Variants in KNDC1 observed in about 807,000 individuals in gnomAD.
KNDC1 encodes kinase non-catalytic C-lobe domain-containing protein 1.
A neutral mutation model predicts 172.8 loss-of-function variants in KNDC1; 106 were observed. That is an observed-to-expected ratio of 0.61 (90% CI 0.52 to 0.72). KNDC1 has a LOEUF of 0.72. Among genes scored for constraint, KNDC1 ranks in the 30% least tolerant of loss-of-function variants. The pLI is 0.00. For synonymous variants in KNDC1, 1,083 were observed against 1,062.2 expected (o/e 1.02, Z -0.38); for missense variants, 2,325 against 2,394.5 (o/e 0.97, Z 0.61).
At position 133,169,546 on chromosome 10, in the gene KNDC1, C is replaced by G. The variant is rs1853303452; in HGVS notation, c.360+1234C>G. ...ACAAGTGAGGCTGGAGCCCTTCACC[C>G]TGGGAGGTGGGCAGGGTGCCCCAGG... is the stretch of plus-strand genomic sequence containing the variant. On this transcript the variant is annotated intron_variant, in intron 3 of 29. Transcript: ENST00000304613. Among the ~76,000 whole-genome samples, 2 of 152,258 alleles carry G rather than the reference C, an allele frequency of 1.3e-5. 1 individual carries two copies. Among genetic ancestry groups the G allele is most frequent in the South Asian group, 4.1e-4 (2 of 4,834 alleles).
chr10:133,185,158 CGCAGTGTGGAGTAGGCAGTGTGT>C (rs1459262438), intron 5 of KNDC1, among the ~76,000 whole-genome samples: 13,538 of 137,852 alleles, frequency 0.098, 3,230 homozygotes, highest in South Asian at 0.2. Context: ...GCGGGAGGGG[CGCAGTGTGGAGTAGGCAGTGTGT>C]GCAGTGTGGA....
In KNDC1 at chr10:133,185,696, A is replaced by AAGCCCCAGT. The variant is rs1340883954; in HGVS notation, c.626-278_626-277insAGCCCCAGT. On this transcript the variant is annotated intron_variant, in intron 5 of 29. Transcript: ENST00000304613. ...TCCAGGCTCCCATAGGAAGCCCCAG[A>AAGCCCCAGT]GGGAAGCCCCGCCTGGCCTGGGGGA... 1.1e-3 allele frequency among the ~76,000 whole-genome samples: 169 copies of AAGCCCCAGT among 150,172 alleles called. 1 individual carries two copies. The highest frequency in any genetic ancestry group is 2.0e-3 in the Non-Finnish European group (135 of 67,548).
chr10:133,196,694 T>G (rs2998141), intron 10 of KNDC1, among the ~76,000 whole-genome samples: 1 of 152,006 alleles, frequency 6.6e-6, no homozygotes, highest in African/African-American at 2.4e-5. Flanking sequence ...TCAGTTCCCA[T>G]GTGCACAAGG....
chr10:133,216,881 G>A (rs911629126), intron 26 of KNDC1, among the ~76,000 whole-genome samples: 4 of 152,258 alleles, frequency 2.6e-5, no homozygotes, highest in African/African-American at 9.6e-5. Context: ...GCCTGCGGCA[G>A]CACGATGAAC....
At chr10:133,203,020 C>T (rs111393003) in intron 17 of KNDC1, among the ~76,000 whole-genome samples, 4 of 143,512 alleles carry the variant, frequency 2.8e-5, no homozygotes, top group South Asian at 2.2e-4. Flanking sequence ...GGGAGCACTC[C>T]GCCCCCAAAC....
In KNDC1 at chr10:133,209,350, T is replaced by C. The variant is rs1042305256; in HGVS notation, c.3795-1261T>C. ...CGTGTGTGCTGTGCGGTGTGGGGTA[T>C]AGTGTGTGCACATGTGGTGTGAGGT... On this transcript the variant is annotated intron_variant, in intron 20 of 29. Coordinates refer to ENST00000304613, the MANE Select transcript of KNDC1 (RefSeq NM_152643.8). This position sits in a 1 kb window ranked among gnomAD's most constrained non-coding sequence, Gnocchi z 4.9. Among the ~76,000 whole-genome samples the C allele has an allele frequency of 1.5e-4, 23 of 150,758 alleles. No homozygotes were observed. The highest frequency in any genetic ancestry group is 5.6e-4 in the African/African-American group (23 of 40,816).
At position 133,224,995 on chromosome 10, in the gene KNDC1, C is replaced by T. The variant is rs1845692731; in HGVS notation, c.*105C>T. 7 of 889,276 alleles carry T rather than the reference C, an allele frequency of 7.9e-6. No individual in the cohort carries two copies. The highest frequency in any genetic ancestry group is 3.2e-5 in the South Asian group (2 of 62,580). 55.1% of individuals were successfully genotyped at this position (889,276 alleles called of 1,614,324 possible). Reference sequence around the variant, plus strand: ...GGCCCGGCCGTTATCAAGGCCCCTCCGCCCCCGAACCCTGGGGAGCTGGAC... The same window carrying T: ...GGCCCGGCCGTTATCAAGGCCCCTCTGCCCCCGAACCCTGGGGAGCTGGAC... On this transcript the variant is annotated 3_prime_UTR_variant, in exon 30 of 30. Coordinates refer to ENST00000304613, the MANE Select transcript of KNDC1 (RefSeq NM_152643.8). The surrounding 1 kb of genome is among the most constrained non-coding windows in gnomAD (Gnocchi z 5.4).
At position 133,210,634 on chromosome 10, in the gene KNDC1, TGCA is replaced by T. The variant is rs771698662; in HGVS notation, c.3822_3824del (p.Gln1275del). On this transcript the variant is annotated inframe_deletion, in exon 21 of 30. Transcript: ENST00000304613. Reference sequence around the variant, plus strand: ...AGTGATGCCTTCCTGGAGGGTTATGTGCAGCAATTCCTCTACACCTTCCGCTAC... The same window carrying T: ...AGTGATGCCTTCCTGGAGGGTTATGTGCAATTCCTCTACACCTTCCGCTAC... The T allele has an allele frequency of 6.2e-7, 1 of 1,613,618 alleles. No homozygotes were observed. The highest frequency in any genetic ancestry group is 2.2e-5 in the East Asian group (1 of 44,870).
At chr10:133,198,302 CGCCCGCCCA>C in intron 12 of KNDC1, 26 bp from the exon 13 acceptor site, 1 of 1,516,960 alleles carries the variant, frequency 6.6e-7, no homozygotes, top group Non-Finnish European at 8.8e-7. Flanking sequence ...GGGGCCACTC[CGCCCGCCCA>C]CACCCTCAGC....
chr10:133,221,415 G>A lies in KNDC1; in HGVS notation c.5018+1303G>A, dbSNP rs900419981. Among the ~76,000 whole-genome samples, 271 of 152,028 alleles carry A rather than the reference G, an allele frequency of 1.8e-3. 2 individuals are homozygous for A. The highest frequency in any genetic ancestry group is 5.7e-3 in the African/African-American group (237 of 41,490). On this transcript the variant is annotated intron_variant, in intron 29 of 29. Transcript: ENST00000304613. Reference sequence around the variant, plus strand: ...CTCTTCCACCTGGTAAGGCACAGGGGCCAGCCTCTCCTTGGAGCCCCAGGC... The same window carrying A: ...CTCTTCCACCTGGTAAGGCACAGGGACCAGCCTCTCCTTGGAGCCCCAGGC...
rs1185903783 is a variant in KNDC1, at chr10:133,197,650, C to T, written c.1813-25C>T. On this transcript the variant is annotated intron_variant, in intron 11 of 29. Transcript: ENST00000304613. ...CTGGCGGAGCTCCGTGGTCACCTGG[C>T]CCAGGGCTGTCACCTCCTCCCCAGG... 3 of 1,581,574 alleles carry T rather than the reference C, an allele frequency of 1.9e-6. No homozygotes were observed. The East Asian group carries it at 6.7e-5, about 35-fold the overall frequency.
chr10:133,196,502 G>A (rs1269537388), intron 10 of KNDC1, among the ~76,000 whole-genome samples: 3 of 152,180 alleles, frequency 2.0e-5, no homozygotes, highest in African/African-American at 7.2e-5. Flanking sequence ...CATGGGGTTG[G>A]GGACCTGGGT....
At chr10:133,168,928 A>C (rs1190934035) in intron 3 of KNDC1, among the ~76,000 whole-genome samples, 1 of 152,238 alleles carries the variant, frequency 6.6e-6, no homozygotes, top group African/African-American at 2.4e-5. Flanking sequence ...CCTTGAGGTC[A>C]GCACCTGTGT....
At position 133,201,812 on chromosome 10, in the gene KNDC1, G is replaced by A. The variant is rs375798263; in HGVS notation, c.3301G>A (p.Asp1101Asn). ...CTGGTGCAGCGCCTTCTACGAGGCC[G>A]ACTGCTTCGGGGCCGACGTCCACAA... ...PGWCSAFYEADCFGADVHNYV... is the reference protein window; with the variant it reads ...PGWCSAFYEANCFGADVHNYV... Residue 1101 changes from aspartate to asparagine, a missense_variant, in exon 17 of 30, where the codon GAC becomes AAC. Physicochemically the swap from Asp to Asn is conservative, Grantham distance 23. Transcript: ENST00000304613. 3.7e-5 allele frequency: 56 copies of A among 1,508,340 alleles called. No individual in the cohort carries two copies. The highest frequency in any genetic ancestry group is 4.7e-5 in the East Asian group (2 of 42,826). 93.4% of individuals were successfully genotyped at this position (1,508,340 alleles called of 1,614,324 possible). A position where few individuals can be genotyped will look rare whatever the true frequency, so the allele number is the denominator to read the frequency against.
rs140416626 is a variant in KNDC1, at chr10:133,202,622, C to T, written c.3387+724C>T. The T allele has an allele frequency of 8.7e-4, 398 of 456,684 alleles. 1 individual carries two copies. The highest frequency in any genetic ancestry group is 1.4e-3 in the Non-Finnish European group (312 of 226,944). The allele number at this position is 456,684 out of a possible 1,614,324, so 28.3% of individuals were successfully genotyped here. A position where few individuals can be genotyped will look rare whatever the true frequency, so the allele number is the denominator to read the frequency against. On this transcript the variant is annotated intron_variant, in intron 17 of 29. Coordinates refer to ENST00000304613, the MANE Select transcript of KNDC1 (RefSeq NM_152643.8). ...CCTCGAGCTGAGCCACCGTGGGAAG[C>T]CTCCCCCAGCCTCTGGGCATCGGAG...
intron 10 of KNDC1, 90 bp downstream of exon 10, chr10:133,195,911 G>A: frequency 1.5e-6 from 2 of 1,309,648 alleles, no homozygotes; most frequent in Non-Finnish European, 2.0e-6. Context: ...AGGAGCACGG[G>A]CTGCCAGTGT....
chr10:133,210,589 CGCCG>C lies in KNDC1; in HGVS notation c.3795-21_3795-18del. The C allele has an allele frequency of 3.9e-6, 6 of 1,530,568 alleles. No individual in the cohort carries two copies. Among genetic ancestry groups the C allele is most frequent in the Non-Finnish European group, 5.4e-6 (6 of 1,105,032 alleles). 94.8% of individuals were successfully genotyped at this position (1,530,568 alleles called of 1,614,324 possible). On this transcript the variant is annotated intron_variant, in intron 20 of 29. Coordinates refer to ENST00000304613, the MANE Select transcript of KNDC1 (RefSeq NM_152643.8). Reference sequence around the variant, plus strand: ...GGGTGCGGCCACCCCACCACCTCACCGCCGCCCGCCCCGCCCCACAGTGATGCCT... The same window carrying C: ...GGGTGCGGCCACCCCACCACCTCACCCCCGCCCCGCCCCACAGTGATGCCT...
At chr10:133,202,021 C>T in intron 17 of KNDC1, 123 bp downstream of exon 17, 4 of 1,099,226 alleles carry the variant, frequency 3.6e-6, no homozygotes, top group Non-Finnish European at 4.0e-6. Context: ...TGACACTGGT[C>T]CTGGTGCCCC....
rs12247954 is a variant in KNDC1, at chr10:133,210,593, G to A, written c.3795-18G>A. On this transcript the variant is annotated intron_variant, in intron 20 of 29. Coordinates refer to ENST00000304613, the MANE Select transcript of KNDC1 (RefSeq NM_152643.8). ...GCGGCCACCCCACCACCTCACCGCCGCCCGCCCCGCCCCACAGTGATGCCT... is the reference window on the plus strand; with the variant it reads ...GCGGCCACCCCACCACCTCACCGCCACCCGCCCCGCCCCACAGTGATGCCT... The A allele has an allele frequency of 0.087, 101,138 of 1,169,094 alleles. 5,957 individuals are homozygous for A. Among genetic ancestry groups the A allele is most frequent in the African/African-American group, 0.31 (20,698 of 67,182 alleles). The allele number at this position is 1,169,094 out of a possible 1,614,324, so 72.4% of individuals were successfully genotyped here. A position where few individuals can be genotyped will look rare whatever the true frequency, so the allele number is the denominator to read the frequency against.
Sources: gnomAD v4.1 joint callset for allele counts (sites outside exome capture counted in the v4.1 genomes callset) on GRCh38, gnomAD v4.1.1 for gene constraint, Gnocchi (gnomAD v3.1) non-coding constraint, MANE v1.5 for transcripts, NCBI Gene and HGNC (gene_info 2026-07-23, HGNC 2026-07-21) for gene names.